Variants in CABLES1 observed in about 807,000 individuals in gnomAD.
CABLES1 encodes the protein Cdk5 and Abl enzyme substrate 1, also known as CDK5 and ABL1 enzyme substrate 1.
CABLES1 carries 36 observed loss-of-function variants against 57.8 expected under a neutral mutation model. The observed-to-expected ratio is 0.62, with a 90% CI of 0.48 to 0.82. The LOEUF is 0.82. CABLES1 is among the 40% of genes least tolerant of loss of function. The pLI, the probability that CABLES1 is intolerant of heterozygous loss-of-function variation, is 0.00. For missense variants in CABLES1, 767 were observed against 836.6 expected (o/e 0.92, Z 1.03); for synonymous variants, 374 against 363.0 (o/e 1.03, Z -0.35).
At chr18:23,167,707 GC>G (rs1162183286) in intron 1 of CABLES1, among the ~76,000 whole-genome samples, 5 of 141,722 alleles carry the variant, frequency 3.5e-5, no homozygotes. Flanking sequence ...ACAGAGTGAA[GC>G]CCGGGAGGCC....
rs182928503 is a variant in CABLES1, at chr18:23,151,120, G to A, written c.845+14513G>A. 4.9e-3 allele frequency among the ~76,000 whole-genome samples: 736 copies of A among 148,912 alleles called. 4 individuals are homozygous for A. Among genetic ancestry groups the A allele is most frequent in the African/African-American group, 0.017 (697 of 40,306 alleles). ...TGCAAGCTCTGCCTCCTGGGTTCAC[G>A]CCCTTCTCCTGCCTCAGCCTCCCGA... is the stretch of plus-strand genomic sequence containing the variant. On this transcript the variant is annotated intron_variant, in intron 1 of 9. Coordinates refer to ENST00000256925, the MANE Select transcript of CABLES1 (RefSeq NM_001100619.3).
chr18:23,195,597 A>T (rs2047276446), intron 3 of CABLES1, among the ~76,000 whole-genome samples: 1 of 152,244 alleles, frequency 6.6e-6, no homozygotes, highest in Non-Finnish European at 1.5e-5. Flanking sequence ...CCTTATAAGG[A>T]CAGGGAACAT....
chr18:23,259,856 T>A lies in CABLES1; in HGVS notation c.*2489T>A, dbSNP rs1270378214. 1 of 152,300 alleles carries A rather than the reference T, an allele frequency of 6.6e-6. No individual in the cohort carries two copies. Among genetic ancestry groups the A allele is most frequent in the Non-Finnish European group, 1.5e-5 (1 of 68,150 alleles). The allele number at this position is 152,300 out of a possible 1,614,324, so 9.4% of individuals were successfully genotyped here. ...CACAGAGGGCAGCTTCAGCCCCTTGTAAGCCCTGCCCCCTCTCAGGACTGC... is the reference window on the plus strand; with the variant it reads ...CACAGAGGGCAGCTTCAGCCCCTTGAAAGCCCTGCCCCCTCTCAGGACTGC... On this transcript the variant is annotated 3_prime_UTR_variant, in exon 10 of 10. Coordinates refer to ENST00000256925, the MANE Select transcript of CABLES1 (RefSeq NM_001100619.3).
intron 1 of CABLES1, among the ~76,000 whole-genome samples, chr18:23,138,192 A>G (rs2046835352): frequency 6.6e-6 from 1 of 152,218 alleles, no homozygotes; most frequent in Non-Finnish European, 1.5e-5. Context: ...CCTCCATGCT[A>G]AAGGCAGCTG....
intron 1 of CABLES1, among the ~76,000 whole-genome samples, chr18:23,150,703 C>T (rs1374738830): frequency 6.6e-6 from 1 of 151,802 alleles, no homozygotes; most frequent in African/African-American, 2.4e-5. Flanking sequence ...CTGGAGGGTT[C>T]GGTGAAGGGT....
At chr18:23,177,325 C>T (rs942606537) in intron 1 of CABLES1, among the ~76,000 whole-genome samples, 10 of 151,784 alleles carry the variant, frequency 6.6e-5, no homozygotes, top group Non-Finnish European at 7.4e-5. Context: ...GCACCACACA[C>T]TTGCTCACCC....
In CABLES1 at chr18:23,164,753, A is replaced by C. The variant is rs764397851; in HGVS notation, c.846-24085A>C. Among the ~76,000 whole-genome samples, 56 of 151,982 alleles carry C rather than the reference A, an allele frequency of 3.7e-4. 1 individual carries two copies. Among genetic ancestry groups the C allele is most frequent in the South Asian group, 6.3e-4 (3 of 4,798 alleles). ...TTGATATGTTGTGATAAAACATATA[A>C]AAATTTATCTCTTAACTATTCTTTT... On this transcript the variant is annotated intron_variant, in intron 1 of 9. Coordinates refer to ENST00000256925, the MANE Select transcript of CABLES1 (RefSeq NM_001100619.3).
At chr18:23,158,624 A>G (rs1250131258) in intron 1 of CABLES1, among the ~76,000 whole-genome samples, 2 of 152,212 alleles carry the variant, frequency 1.3e-5, no homozygotes, top group African/African-American at 2.4e-5. Flanking sequence ...TTATTTATCC[A>G]GTTTAACTGT....
intron 1 of CABLES1, among the ~76,000 whole-genome samples, chr18:23,154,485 A>G (rs931074743): frequency 6.6e-6 from 1 of 152,128 alleles, no homozygotes; most frequent in African/African-American, 2.4e-5. Flanking sequence ...TATCATCTGT[A>G]AAGAGGGGGA....
chr18:23,223,579 GAAAAA>G (rs1164603815), intron 4 of CABLES1, among the ~76,000 whole-genome samples: 1 of 71,876 alleles, frequency 1.4e-5, no homozygotes, highest in African/African-American at 5.1e-5. Context: ...CTCCGTCTCA[GAAAAA>G]AAAAAAAAAA....
At chr18:23,241,447 C>T (rs1568084460) in intron 7 of CABLES1, among the ~76,000 whole-genome samples, 2 of 152,072 alleles carry the variant, frequency 1.3e-5, no homozygotes, top group East Asian at 3.9e-4. Context: ...AGGAGAATCG[C>T]TTAAACCCGG....
intron 7 of CABLES1, among the ~76,000 whole-genome samples, chr18:23,237,626 C>T (rs926164288): frequency 2.0e-5 from 3 of 152,254 alleles, no homozygotes; most frequent in Admixed American, 1.3e-4. Context: ...TGCAGGCCTT[C>T]GTGTGCATGC....
intron 3 of CABLES1, among the ~76,000 whole-genome samples, chr18:23,195,864 T>C (rs1008271822): frequency 1.1e-4 from 16 of 152,252 alleles, no homozygotes; most frequent in African/African-American, 3.9e-4. Context: ...AGCTTACTCA[T>C]GCCATTTTAG....
In CABLES1 at chr18:23,221,656, T is replaced by C. The variant is rs116002377; in HGVS notation, c.1088+7602T>C. 9.4e-3 allele frequency among the ~76,000 whole-genome samples: 1,434 copies of C among 152,304 alleles called. 22 individuals carry two copies. Among genetic ancestry groups the C allele is most frequent in the African/African-American group, 0.033 (1,351 of 41,562 alleles). ...ACGCTGCCATCTGGGGCCCCCACCT[T>C]AGGCTTGCCAGAAGTTCTGATCTCC... On this transcript the variant is annotated intron_variant, in intron 4 of 9. Coordinates refer to ENST00000256925, the MANE Select transcript of CABLES1 (RefSeq NM_001100619.3).
At position 23,136,564 on chromosome 18, in the gene CABLES1, C is replaced by T; in HGVS notation, c.802C>T (p.Gln268Ter). ...CTACTGCTCCCTGGAGCAGCCAGGCCAGGGCGGCAGCACCAGCGCCTTCGA... is the reference window on the plus strand; with the variant it reads ...CTACTGCTCCCTGGAGCAGCCAGGCTAGGGCGGCAGCACCAGCGCCTTCGA... Reference protein sequence around the residue: ...QNYCSLEQPGQGGSTSAFEQL... With the variant: ...QNYCSLEQPG Residue 268 changes from glutamine (Q) to a stop codon, truncating the protein, a stop_gained, in exon 1 of 10, where the codon CAG (glutamine) becomes TAG (stop). Coordinates refer to ENST00000256925, the MANE Select transcript of CABLES1 (RefSeq NM_001100619.3). LOFTEE classifies it high-confidence loss of function. 2.0e-6 allele frequency: 3 copies of T among 1,529,520 alleles called. No individual in the cohort carries two copies. Among genetic ancestry groups the T allele is most frequent in the Non-Finnish European group, 2.6e-6 (3 of 1,146,058 alleles). 94.7% of individuals were successfully genotyped at this position (1,529,520 alleles called of 1,614,324 possible). A position where few individuals can be genotyped will look rare whatever the true frequency, so the allele number is the denominator to read the frequency against.
intron 1 of CABLES1, chr18:23,155,870 G>C: frequency 1.2e-6 from 2 of 1,613,338 alleles, no homozygotes; most frequent in Non-Finnish European, 1.7e-6. Flanking sequence ...AAATGAGTTT[G>C]GAGTGGTCTG....
At chr18:23,191,465 A>G (rs2047242285) in intron 2 of CABLES1, among the ~76,000 whole-genome samples, 1 of 152,194 alleles carries the variant, frequency 6.6e-6, no homozygotes, top group South Asian at 2.1e-4. Flanking sequence ...GGGAAGACCA[A>G]TTGGCTGATC....
chr18:23,247,879 C>T (rs1568090587), intron 7 of CABLES1, among the ~76,000 whole-genome samples: 1 of 152,252 alleles, frequency 6.6e-6, no homozygotes, highest in Admixed American at 6.5e-5. Flanking sequence ...TCCCCACTTA[C>T]GCGGGGCCAA....
Position 23,136,361 on chromosome 18 carries a change from C to T in CABLES1, c.599C>T (p.Ser200Phe), listed in dbSNP as rs746013917. ...GCCCAACTGCAGCTGCTCGACGGGT[C>T]CGGGGCCGCCGGGCAGGAGGAGTTG... ...ACAQLQLLDG[S>F]GAAGQEELEE... Residue 200 changes from serine (S) to phenylalanine (F), a missense_variant, in exon 1 of 10, where the codon TCC becomes TTC. Physicochemically the swap from Ser to Phe is radical, Grantham distance 155. This residue lies in a region of CABLES1 where 529 missense variants were observed against 622.8 expected (regional missense o/e 0.85). Coordinates refer to ENST00000256925, the MANE Select transcript of CABLES1 (RefSeq NM_001100619.3). The T allele has an allele frequency of 6.6e-7, 1 of 1,515,758 alleles. No homozygotes were observed. The allele number at this position is 1,515,758 out of a possible 1,614,324, so 93.9% of individuals were successfully genotyped here. A position where few individuals can be genotyped will look rare whatever the true frequency, so the allele number is the denominator to read the frequency against.
Sources: allele counts gnomAD v4.1 joint callset (sites outside exome capture counted in the v4.1 genomes callset), GRCh38; gene constraint gnomAD v4.1.1; regional missense constraint gnomAD v4.1.1; transcripts MANE v1.5; gene names NCBI Gene and HGNC (gene_info 2026-07-23, HGNC 2026-07-21).